Variants in PUDP observed in about 807,000 individuals in gnomAD.
The protein encoded by PUDP is pseudouridine 5'-phosphatase, also known as pseudouridine-5'-phosphatase.
A neutral mutation model predicts 9.4 loss-of-function variants in PUDP; 8 were observed. The ratio of observed to expected loss-of-function variants is 0.85; its 90% CI spans 0.50 to 1.53. The LOEUF is 1.53. PUDP is among the 40% of genes most tolerant of loss of function. The probability of loss-of-function intolerance (pLI) is 0.00; values close to 1 mark genes in which losing one functional copy is unlikely to be tolerated. For synonymous variants in PUDP, 99 were observed against 80.7 expected (o/e 1.23, Z -1.22); for missense variants, 188 against 189.7 (o/e 0.99, Z 0.05).
chrX:7,066,618 C>A (rs759869534), intron 3 of PUDP, among the ~76,000 whole-genome samples: 1 of 111,150 alleles, frequency 9.0e-6, no homozygotes, highest in Admixed American at 9.5e-5. Context: ...GCTCACTCGC[C>A]GCTCACTTCC....
At chrX:6,807,277 G>C (rs765213736) in intron 3 of PUDP, among the ~76,000 whole-genome samples, 3 of 111,937 alleles carry the variant, frequency 2.7e-5, no homozygotes, top group Non-Finnish European at 3.8e-5. Context: ...CCGATATCCA[G>C]GGACCTGCAC....
At chrX:6,879,435 T>TACAC (rs753425131) in intron 3 of PUDP, among the ~76,000 whole-genome samples, 1,105 of 102,049 alleles carry the variant, frequency 0.011, 11 homozygotes, top group South Asian at 0.032. Flanking sequence ...ACAGCACAAT[T>TACAC]ACACACACAC....
chrX:6,949,617 TTC>T (rs1054765644), intron 3 of PUDP, among the ~76,000 whole-genome samples: 4 of 112,813 alleles, frequency 3.5e-5, no homozygotes, highest in African/African-American at 1.3e-4. Context: ...TTCTTTCTTT[TTC>T]TGTTTATAAA....
At chrX:6,801,035 C>T (rs1020647563) in intron 3 of PUDP, among the ~76,000 whole-genome samples, 1 of 111,828 alleles carries the variant, frequency 8.9e-6, no homozygotes. Flanking sequence ...GCTGACAGAG[C>T]CCGCGAAGAC....
chrX:7,117,493 C>T (rs1415206984), intron 1 of PUDP, among the ~76,000 whole-genome samples: 1 of 112,675 alleles, frequency 8.9e-6, no homozygotes, highest in African/African-American at 3.2e-5. Flanking sequence ...GAACAAATTT[C>T]TAAGCAGCAA....
intron 1 of PUDP, among the ~76,000 whole-genome samples, chrX:7,022,012 A>G (rs958887725): frequency 8.9e-6 from 1 of 112,047 alleles, no homozygotes; most frequent in African/African-American, 3.2e-5. Flanking sequence ...CTTTATCAGT[A>G]TCATTCAAAC....
At chrX:7,122,136 T>C (rs1332152431) in intron 1 of PUDP, among the ~76,000 whole-genome samples, 3 of 110,844 alleles carry the variant, frequency 2.7e-5, no homozygotes, top group South Asian at 7.8e-4. Context: ...TACAGTCAGC[T>C]ATGGTTGCAC....
At chrX:6,919,858 CAAAAAAAAA>C (rs58441346) in intron 3 of PUDP, among the ~76,000 whole-genome samples, 2 of 26,500 alleles carry the variant, frequency 7.5e-5, no homozygotes, top group African/African-American at 1.5e-4. Flanking sequence ...GACTCCATCT[CAAAAAAAAA>C]AAAAAAAAAA....
chrX:6,972,794 C>G (rs1928896744), intron 3 of PUDP, among the ~76,000 whole-genome samples: 1 of 111,951 alleles, frequency 8.9e-6, no homozygotes, highest in Non-Finnish European at 1.9e-5. Context: ...ACCAGCTCCT[C>G]TTTGTACCTC....
At chrX:6,726,777 G>A (rs1924743793) in intron 3 of PUDP, among the ~76,000 whole-genome samples, 1 of 110,928 alleles carries the variant, frequency 9.0e-6, no homozygotes, top group Non-Finnish European at 1.9e-5. Flanking sequence ...ATAAACACTT[G>A]GAGATGTGCT....
chrX:7,062,887 ATTTTTTTTTTT>A (rs199914841), intron 3 of PUDP, among the ~76,000 whole-genome samples: 2 of 79,718 alleles, frequency 2.5e-5, no homozygotes, highest in African/African-American at 1.1e-4. Context: ...TGACTGCTTA[ATTTTTTTTTTT>A]TTTTTTTTTT....
At chrX:6,966,742 T>C (rs1438363110) in intron 3 of PUDP, among the ~76,000 whole-genome samples, 1 of 110,220 alleles carries the variant, frequency 9.1e-6, no homozygotes, top group Non-Finnish European at 1.9e-5. Flanking sequence ...GAAGATAGGG[T>C]CTTGCTATAT....
intron 1 of PUDP, among the ~76,000 whole-genome samples, chrX:7,133,239 G>C (rs1932664050): frequency 8.9e-6 from 1 of 111,829 alleles, no homozygotes; most frequent in Middle Eastern, 4.6e-3. Flanking sequence ...TGGTCACTGG[G>C]AAACGTAGAC....
In PUDP at chrX:6,899,709, T is replaced by TGAA. The variant is rs199974182; in HGVS notation, c.*247+77421_*247+77423dup. On this transcript the variant is annotated intron_variant and NMD_transcript_variant, in intron 3 of 3. Transcript: ENST00000655425. Reference sequence around the variant, plus strand: ...ATGATGATGATGATGATGATGATGATGAAGATGAACTGTAACCATGTACGA... The same window carrying TGAA: ...ATGATGATGATGATGATGATGATGATGAAGAAGATGAACTGTAACCATGTACGA... 3.9e-3 allele frequency among the ~76,000 whole-genome samples: 411 copies of TGAA among 105,548 alleles called. 2 individuals carry two copies. The highest frequency in any genetic ancestry group is 0.013 in the African/African-American group (380 of 29,345). 91.7% of individuals were successfully genotyped at this position (105,548 alleles called of 115,157 possible). A position where few individuals can be genotyped will look rare whatever the true frequency, so the allele number is the denominator to read the frequency against.
At position 6,738,855 on chromosome X, in the gene PUDP, G is replaced by A. The variant is rs186503566; in HGVS notation, c.*248-32389C>T. On this transcript the variant is annotated intron_variant and NMD_transcript_variant, in intron 3 of 3. Transcript: ENST00000655425. Reference sequence around the variant, plus strand: ...GGGAATTTGATTACTGCATTGATGGGTTCATTAATCATTGCCAGACATTTT... The same window carrying A: ...GGGAATTTGATTACTGCATTGATGGATTCATTAATCATTGCCAGACATTTT... 1.0e-3 allele frequency among the ~76,000 whole-genome samples: 117 copies of A among 112,050 alleles called. 1 individual carries two copies. Among genetic ancestry groups the A allele is most frequent in the African/African-American group, 3.2e-3 (100 of 30,850 alleles).
At chrX:6,949,385 C>G (rs1209804567) in intron 3 of PUDP, among the ~76,000 whole-genome samples, 1 of 111,046 alleles carries the variant, frequency 9.0e-6, no homozygotes, top group Admixed American at 9.6e-5. Context: ...CCTCCTTATC[C>G]TTTTCCTCCT....
chrX:7,045,406 A>G (rs1168461329), downstream of PUDP, among the ~76,000 whole-genome samples: 1 of 111,830 alleles, frequency 8.9e-6, no homozygotes, highest in Non-Finnish European at 1.9e-5. Flanking sequence ...AACATACTTG[A>G]TTCCTGGCAG....
intron 3 of PUDP, among the ~76,000 whole-genome samples, chrX:6,898,975 C>T (rs1927633494): frequency 9.0e-6 from 1 of 111,562 alleles, no homozygotes; most frequent in African/African-American, 3.3e-5. Context: ...GTCTTTCTTA[C>T]CCCTTCATTT....
intron 3 of PUDP, among the ~76,000 whole-genome samples, chrX:7,073,433 A>C (rs1176102312): frequency 1.8e-5 from 2 of 112,129 alleles, no homozygotes; most frequent in Non-Finnish European, 3.8e-5. Flanking sequence ...GGCATGATCA[A>C]TTCCCTAAGG....
Sources: gnomAD v4.1 joint callset for allele counts (sites outside exome capture counted in the v4.1 genomes callset) on GRCh38, gnomAD v4.1.1 for gene constraint, MANE v1.5 for transcripts, NCBI Gene and HGNC (gene_info 2026-07-23, HGNC 2026-07-21) for gene names.